Variants in GRIN2A observed in about 807,000 individuals in gnomAD.
GRIN2A encodes the protein glutamate ionotropic receptor NMDA type subunit 2A.
GRIN2A carries 22 observed loss-of-function variants against 113.4 expected under a neutral mutation model. The observed-to-expected ratio is 0.19, with a 90% CI of 0.14 to 0.28. The LOEUF (loss-of-function observed/expected upper bound fraction) is 0.28, where lower values mean the gene tolerates loss of function less well. GRIN2A is among the 10% of genes least tolerant of loss of function. The pLI, the probability that GRIN2A is intolerant of heterozygous loss-of-function variation, is 1.00. For synonymous variants in GRIN2A, 827 were observed against 738.4 expected, an observed-to-expected ratio of 1.12 and a Z score of -1.94; for missense variants, 1,502 against 1,887.0, an observed-to-expected ratio of 0.80 and a Z score of 3.78.
In GRIN2A at chr16:9,761,043, C is replaced by T. The variant is rs1403584857; in HGVS notation, c.*2106G>A. The stretch of plus-strand genomic sequence containing the variant: ...GGAAATAAAATGTCATTTTCAAGCA[C>T]ATGCATCCCCAGCACCTAGTCAGCC... On this transcript the variant is annotated 3_prime_UTR_variant, in exon 13 of 13. Transcript: ENST00000330684. The T allele has an allele frequency of 4.3e-6, 1 of 232,942 alleles. No homozygotes were observed. Among genetic ancestry groups the T allele is most frequent in the South Asian group, 1.8e-4 (1 of 5,510 alleles). The allele number at this position is 232,942 out of a possible 1,614,324, so 14.4% of individuals were successfully genotyped here.
Position 9,755,893 on chromosome 16 carries a change from A to G in GRIN2A, c.*7256T>C, listed in dbSNP as rs943770502. The G allele has an allele frequency of 9.5e-6, 2 of 210,086 alleles. No individual in the cohort carries two copies. The highest frequency in any genetic ancestry group is 1.9e-5 in the Non-Finnish European group (2 of 103,240). 13.0% of individuals were successfully genotyped at this position (210,086 alleles called of 1,614,324 possible). Reference sequence around the variant, plus strand: ...GAACAGACCAAGAAGGAAAACAACAACAACATTTTAATAGCTGGTCCTCAA... The same window carrying G: ...GAACAGACCAAGAAGGAAAACAACAGCAACATTTTAATAGCTGGTCCTCAA... On this transcript the variant is annotated 3_prime_UTR_variant, in exon 13 of 13. Coordinates refer to ENST00000330684, the MANE Select transcript of GRIN2A (RefSeq NM_001134407.3).
At chr16:10,170,364 A>C (rs1403684240) in intron 2 of GRIN2A, among the ~76,000 whole-genome samples, 1 of 152,210 alleles carries the variant, frequency 6.6e-6, no homozygotes, top group Non-Finnish European at 1.5e-5. Flanking sequence ...AAAGGCACCA[A>C]CTTCCACTTG....
intron 6 of GRIN2A, 34 bp from the exon 7 acceptor site, chr16:9,840,834 G>C: frequency 1.4e-6 from 1 of 695,900 alleles, no homozygotes; most frequent in Non-Finnish European, 2.0e-6. Flanking sequence ...AAAAAAAAAA[G>C]AGAGAGAGAG....
chr16:9,837,679 A>T (rs1396419537), intron 7 of GRIN2A, among the ~76,000 whole-genome samples: 7 of 152,218 alleles, frequency 4.6e-5, no homozygotes, highest in Admixed American at 3.3e-4. Context: ...GAGGGGAAAC[A>T]TGACTAGGAG....
rs776791010 is a variant in GRIN2A, at chr16:9,798,307, C to T, written c.2326G>A (p.Asp776Asn). 2.5e-6 allele frequency: 4 copies of T among 1,614,034 alleles called. No homozygotes were observed. The highest frequency in any genetic ancestry group is 1.3e-5 in the African/African-American group (1 of 75,052). ...QKGSPWKRQI[D>N]LALLQFVGDG... ...CCCACAAACTGAAGCAAGGCCAGGTCGATCTGCCTCTTCCAAGGAGAGCCT... is the reference window on the plus strand; with the variant it reads ...CCCACAAACTGAAGCAAGGCCAGGTTGATCTGCCTCTTCCAAGGAGAGCCT... Residue 776 changes from aspartate (D) to asparagine (N), a missense_variant, in exon 11 of 13, where the codon GAC becomes AAC. Physicochemically the swap from Asp to Asn is conservative, Grantham distance 23. Around this residue, in one of 7 missense-constraint regions of GRIN2A, gnomAD observed 101 missense variants for 240.4 expected, o/e 0.42. Transcript: ENST00000330684.
rs201072838 is a variant in GRIN2A at position 9,768,880 on chromosome 16, G to T, written c.2566C>A (p.Arg856=). 2 of 1,613,994 alleles carry T rather than the reference G, an allele frequency of 1.2e-6. No homozygotes were observed. Among genetic ancestry groups the T allele is most frequent in the Non-Finnish European group, 1.7e-6 (2 of 1,179,842 alleles). Residue 856 remains arginine, a synonymous_variant, in exon 12 of 13, where the codon CGG becomes AGG. Coordinates refer to ENST00000330684, the MANE Select transcript of GRIN2A (RefSeq NM_001134407.3). ...RFCFTGVCSD[R]PGLLFSISRG... is the part of the protein sequence containing the mutation. ...CTGATGGAGAAGAGCAACCCAGGCCGGTCGGAGCACACGCCCGTGAAACAG... is the reference window on the plus strand; with the variant it reads ...CTGATGGAGAAGAGCAACCCAGGCCTGTCGGAGCACACGCCCGTGAAACAG...
intron 11 of GRIN2A, among the ~76,000 whole-genome samples, chr16:9,795,468 G>T (rs564012389): frequency 6.6e-6 from 1 of 152,176 alleles, no homozygotes; most frequent in Non-Finnish European, 1.5e-5. Context: ...TCTGTCTATG[G>T]AGTAGCCATT....
intron 2 of GRIN2A, among the ~76,000 whole-genome samples, chr16:10,151,496 T>G (rs1252376411): frequency 6.6e-6 from 1 of 152,096 alleles, no homozygotes; most frequent in Non-Finnish European, 1.5e-5. Context: ...ACCCTAAAAC[T>G]CCATGGTTCC....
chr16:9,757,377 A>G lies in GRIN2A; in HGVS notation c.*5772T>C, dbSNP rs1250863913. Reference sequence around the variant, plus strand: ...GAAGGACTTTTTTTTTTTTTTTAAAAAAGGTATGCTCATAGAATCAGATTA... The same window carrying G: ...GAAGGACTTTTTTTTTTTTTTTAAAGAAGGTATGCTCATAGAATCAGATTA... On this transcript the variant is annotated 3_prime_UTR_variant, in exon 13 of 13. Transcript: ENST00000330684. The G allele has an allele frequency of 4.4e-6, 1 of 227,028 alleles. No homozygotes were observed. The highest frequency in any genetic ancestry group is 2.2e-5 in the African/African-American group (1 of 44,940). 14.1% of individuals were successfully genotyped at this position (227,028 alleles called of 1,614,324 possible).
At chr16:10,142,463 A>G (rs1024302711) in intron 2 of GRIN2A, among the ~76,000 whole-genome samples, 18 of 152,196 alleles carry the variant, frequency 1.2e-4, no homozygotes, top group African/African-American at 4.3e-4. Flanking sequence ...TTGGGAGGTC[A>G]AGGCAGGAGG....
chr16:10,027,351 C>T (rs1033440057), intron 2 of GRIN2A, among the ~76,000 whole-genome samples: 6 of 152,236 alleles, frequency 3.9e-5, no homozygotes, highest in Non-Finnish European at 7.4e-5. Flanking sequence ...CAAGTATTAA[C>T]GTTAGAATAT....
chr16:9,798,001 T>C (rs1903105954), intron 11 of GRIN2A, among the ~76,000 whole-genome samples: 1 of 152,206 alleles, frequency 6.6e-6, no homozygotes, highest in African/African-American at 2.4e-5. Context: ...AGGACTGTCC[T>C]GGCTCTTGTC....
intron 2 of GRIN2A, among the ~76,000 whole-genome samples, chr16:10,106,404 T>G (rs928598738): frequency 1.3e-5 from 2 of 151,854 alleles, no homozygotes; most frequent in African/African-American, 4.8e-5. Flanking sequence ...CTATTTAAAA[T>G]TGTTTTAATT....
chr16:10,111,573 A>G (rs7190342), intron 2 of GRIN2A: 259,110 of 872,546 alleles, frequency 0.3, 39,742 homozygotes, highest in East Asian at 0.44. Flanking sequence ...TGAAGACACC[A>G]CTGATCTCTT....
intron 7 of GRIN2A, 108 bp downstream of exon 7, chr16:9,840,539 A>T: frequency 9.6e-7 from 1 of 1,040,638 alleles, no homozygotes; most frequent in Non-Finnish European, 1.5e-6. Flanking sequence ...ATATGCTGCC[A>T]TGGCCAAACA....
intron 2 of GRIN2A, among the ~76,000 whole-genome samples, chr16:10,165,526 A>G (rs201885926): frequency 4.7e-4 from 65 of 138,834 alleles, no homozygotes; most frequent in African/African-American, 1.4e-3. Flanking sequence ...ATATATATAT[A>G]TGTATATATA....
intron 2 of GRIN2A, among the ~76,000 whole-genome samples, chr16:10,079,581 C>G (rs1466859668): frequency 6.6e-6 from 1 of 152,106 alleles, no homozygotes; most frequent in Non-Finnish European, 1.5e-5. Context: ...AAAAGAGGCT[C>G]CAGAGAGATC....
intron 2 of GRIN2A, among the ~76,000 whole-genome samples, chr16:10,016,704 T>C (rs917551495): frequency 1.3e-5 from 2 of 152,242 alleles, no homozygotes; most frequent in African/African-American, 2.4e-5. Flanking sequence ...TGATTATTCA[T>C]GCACTGCTTC....
intron 2 of GRIN2A, among the ~76,000 whole-genome samples, chr16:10,019,939 C>T (rs34413887): frequency 0.3 from 46,328 of 152,144 alleles, 8,122 homozygotes; most frequent in Non-Finnish European, 0.39. Flanking sequence ...ACACCACATA[C>T]ACAGACACCC....
Sources: allele counts gnomAD v4.1 joint callset (sites outside exome capture counted in the v4.1 genomes callset), GRCh38; gene constraint gnomAD v4.1.1; regional missense constraint gnomAD v4.1.1; transcripts MANE v1.5; gene names NCBI Gene and HGNC (gene_info 2026-07-23, HGNC 2026-07-21).